The following ANKRD35 variants were observed in gnomAD, a reference collection of about 807,000 sequenced individuals.
ANKRD35 encodes ankyrin repeat domain-containing protein 35.
A neutral mutation model predicts 109.9 loss-of-function variants in ANKRD35; 102 were observed. The ratio of observed to expected loss-of-function variants is 0.93; its 90% CI spans 0.79 to 1.09. The LOEUF is 1.09. ANKRD35 is among the 50% of genes least tolerant of loss of function. The probability of loss-of-function intolerance (pLI) is 0.00; values close to 1 mark genes in which losing one functional copy is unlikely to be tolerated. For synonymous variants in ANKRD35, 515 were observed against 512.4 expected (o/e 1.01, Z -0.07); for missense variants, 1,240 against 1,230.1 (o/e 1.01, Z -0.12).
At chr1:145,874,491 G>A (rs1570800471) in intron 8 of ANKRD35, among the ~76,000 whole-genome samples, 1 of 152,188 alleles carries the variant, frequency 6.6e-6, no homozygotes, top group East Asian at 1.9e-4. Context: ...AACAGAAATG[G>A]CCTGTCACCT....
chr1:145,878,595 G>A, intron 2 of ANKRD35, 116 bp from the exon 3 acceptor site: 1 of 931,518 alleles, frequency 1.1e-6, no homozygotes, highest in Non-Finnish European at 1.6e-6. Context: ...CCTAAAAGCA[G>A]GAAAAGAAGC....
chr1:145,879,521 AGATCATTT>A, intron 1 of ANKRD35, 133 bp from the exon 2 acceptor site: 1 of 1,070,138 alleles, frequency 9.3e-7, no homozygotes, highest in Non-Finnish European at 1.2e-6. Flanking sequence ...CACACATCCT[AGATCATTT>A]AGTCCTTCTT....
chr1:145,878,012 C>A lies in ANKRD35; in HGVS notation c.280G>T (p.Ala94Ser). The A allele has an allele frequency of 6.2e-7, 1 of 1,613,948 alleles. No individual in the cohort carries two copies. Among genetic ancestry groups the A allele is most frequent in the East Asian group, 2.2e-5 (1 of 44,882 alleles). ...CACTGTGGCTGGCAGGAGATGGTGG[C>A]CAAGTGTAGGGCAGTGCTTCCTGGA... is the stretch of plus-strand genomic sequence containing the variant. ...NEDGSTALHL[A>S]TISCQPQCVK... The change falls in exon 4 of 14, where the codon GCC (alanine) becomes TCC (serine). Residue 94 changes from alanine to serine, a missense_variant. Transcript: ENST00000355594.
intron 10 of ANKRD35, among the ~76,000 whole-genome samples, chr1:145,871,193 T>A (rs1653807925): frequency 7.2e-6 from 1 of 138,534 alleles, no homozygotes; most frequent in Non-Finnish European, 1.6e-5. Flanking sequence ...AGACAGAGTC[T>A]TGCTGTGTCA....
intron 12 of ANKRD35, 91 bp downstream of exon 12, chr1:145,867,900 A>G (rs1463858254): frequency 1.2e-5 from 15 of 1,271,840 alleles, no homozygotes; most frequent in East Asian, 6.9e-5. Flanking sequence ...AAGTGTGTAC[A>G]GGGACCCTGG....
chr1:145,872,737 T>C lies in ANKRD35; in HGVS notation c.2032A>G (p.Asn678Asp), dbSNP rs1553739075. ...QLRQSVGLLT[N>D]ELAMEKEATE... Reference sequence around the variant, plus strand: ...GCCTCCTTCTCCATGGCCAGTTCATTTGTCAGCAGCCCCACACTCTGTCGC... The same window carrying C: ...GCCTCCTTCTCCATGGCCAGTTCATCTGTCAGCAGCCCCACACTCTGTCGC... Residue 678 changes from asparagine (N) to aspartate (D), a missense_variant, in exon 10 of 14, where the codon AAT becomes GAT. Physicochemically the swap from Asn to Asp is conservative, Grantham distance 23. Coordinates refer to ENST00000355594, the MANE Select transcript of ANKRD35 (RefSeq NM_144698.5). The C allele has an allele frequency of 6.2e-7, 1 of 1,614,038 alleles. No homozygotes were observed. Among genetic ancestry groups the C allele is most frequent in the Non-Finnish European group, 8.5e-7 (1 of 1,179,948 alleles).
chr1:145,868,103 C>A (rs1161591751), intron 11 of ANKRD35, 47 bp from the exon 12 acceptor site: 2 of 1,587,972 alleles, frequency 1.3e-6, no homozygotes, highest in African/African-American at 2.7e-5. Context: ...CCTCAGTCAC[C>A]CAAGCATGAG....
At chr1:145,871,153 CTTTTTTTTTT>C (rs59433424) in intron 10 of ANKRD35, among the ~76,000 whole-genome samples, 14 of 78,096 alleles carry the variant, frequency 1.8e-4, no homozygotes, top group Admixed American at 9.5e-4. Flanking sequence ...TTTCTTTTTT[CTTTTTTTTTT>C]TTTTTTTTTT....
At chr1:145,871,165 T>C (rs797023174) in intron 10 of ANKRD35, among the ~76,000 whole-genome samples, 13 of 114,988 alleles carry the variant, frequency 1.1e-4, no homozygotes, top group African/African-American at 2.9e-4. Flanking sequence ...TTTTTTTTTT[T>C]TTTTTTTTTT....
At chr1:145,869,751 G>A (rs10797653) in intron 10 of ANKRD35, among the ~76,000 whole-genome samples, 9,627 of 152,276 alleles carry the variant, frequency 0.063, 1,019 homozygotes, top group African/African-American at 0.22. Context: ...TTACAGGCAT[G>A]AGCCACTGTG....
intron 4 of ANKRD35, among the ~76,000 whole-genome samples, chr1:145,877,319 G>A (rs139139690): frequency 2.1e-4 from 32 of 149,422 alleles, no homozygotes; most frequent in African/African-American, 6.5e-4. Context: ...TGCAACCTCC[G>A]CCTCCTGGGT....
At chr1:145,883,391 G>A (rs1553741441) in intron 1 of ANKRD35, among the ~76,000 whole-genome samples, 1 of 152,186 alleles carries the variant, frequency 6.6e-6, no homozygotes, top group African/African-American at 2.4e-5. Context: ...AGATGATCCA[G>A]TGCCAATTAT....
intron 6 of ANKRD35, 124 bp from the exon 7 acceptor site, chr1:145,876,370 A>T: frequency 1.7e-6 from 2 of 1,144,236 alleles, no homozygotes; most frequent in Non-Finnish European, 2.5e-6. Flanking sequence ...GGGTCTGAAC[A>T]CTCCCTTTTG....
intron 6 of ANKRD35, 41 bp from the exon 7 acceptor site, chr1:145,876,287 C>G: frequency 6.4e-7 from 1 of 1,571,478 alleles, no homozygotes; most frequent in Middle Eastern, 1.7e-4. Flanking sequence ...CAGCCAGGGA[C>G]TGCAGAGGCT....
At chr1:145,875,608 G>A (rs1487772975) in intron 7 of ANKRD35, among the ~76,000 whole-genome samples, 1 of 150,822 alleles carries the variant, frequency 6.6e-6, no homozygotes, top group Non-Finnish European at 1.5e-5. Flanking sequence ...GAGTGCAGTG[G>A]TGCAATCTCG....
intron 10 of ANKRD35, among the ~76,000 whole-genome samples, chr1:145,868,773 A>G (rs587724406): frequency 6.6e-6 from 1 of 152,210 alleles, no homozygotes; most frequent in Non-Finnish European, 1.5e-5. Context: ...CTCATGTTTT[A>G]AAGTGCAAAC....
rs1653670752 is a variant in ANKRD35, at chr1:145,868,059, G to A, written c.2878-3C>T. ...TCTTCATGGTTCTTCTGGGAATCCT[G>A]GGAATGAACATCAATGGGAAGTCAC... On this transcript the variant is annotated splice_region_variant and splice_polypyrimidine_tract_variant and intron_variant, in intron 11 of 13. Coordinates refer to ENST00000355594, the MANE Select transcript of ANKRD35 (RefSeq NM_144698.5). 6.2e-7 allele frequency: 1 copy of A among 1,613,784 alleles called. No homozygotes were observed. The highest frequency in any genetic ancestry group is 8.5e-7 in the Non-Finnish European group (1 of 1,179,890).
Position 145,874,177 on chromosome 1 carries a change from T to G in ANKRD35, c.761A>C (p.Gln254Pro). Reference protein sequence around the residue: ...RRRRGGQRLVQHPDLASQASP... With the variant: ...RRRRGGQRLVPHPDLASQASP... Reference sequence around the variant, plus strand: ...TACCTGGGATGCGAGATCTGGGTGCTGGACTAGCCTCTGACCTATAAGAAA... The same window carrying G: ...TACCTGGGATGCGAGATCTGGGTGCGGGACTAGCCTCTGACCTATAAGAAA... The change falls in exon 9 of 14, where the codon CAG becomes CCG. Residue 254 changes from glutamine (Q) to proline (P), a missense_variant. By Grantham distance (76) the Gln-to-Pro change is moderately conservative (BLOSUM62 -1). Transcript: ENST00000355594. 1 of 1,614,100 alleles carries G rather than the reference T, an allele frequency of 6.2e-7. No individual in the cohort carries two copies. The highest frequency in any genetic ancestry group is 8.5e-7 in the Non-Finnish European group (1 of 1,179,980).
chr1:145,878,522 G>C, intron 2 of ANKRD35, 43 bp from the exon 3 acceptor site: 1 of 1,525,372 alleles, frequency 6.6e-7, no homozygotes, highest in Middle Eastern at 1.7e-4. Context: ...AAAGGGACCA[G>C]GGATGAGGAA....
Sources: gnomAD v4.1 joint callset for allele counts (sites outside exome capture counted in the v4.1 genomes callset) on GRCh38, gnomAD v4.1.1 for gene constraint, MANE v1.5 for transcripts, NCBI Gene and HGNC (gene_info 2026-07-23, HGNC 2026-07-21) for gene names.